INVS: variants seen among roughly 807,000 people sequenced by gnomAD.
INVS encodes the protein inversion of embryo turning homolog.
In INVS, 86 loss-of-function variants were observed where a neutral mutation model predicts 108.8. The ratio of observed to expected loss-of-function variants is 0.79; its 90% confidence interval spans 0.66 to 0.95. The LOEUF (loss-of-function observed/expected upper bound fraction) is 0.95. INVS is among the 40% of genes least tolerant of loss of function. INVS has a pLI of 0.00. For missense variants in INVS, 1,169 were observed against 1,297.4 expected (o/e 0.90, Z 1.52); for synonymous variants, 455 against 473.5 (o/e 0.96, Z 0.51).
chr9:100,281,911 C>T (rs535551802), intron 12 of INVS, among the ~76,000 whole-genome samples: 6 of 152,124 alleles, frequency 3.9e-5, no homozygotes, highest in Non-Finnish European at 5.9e-5. Context: ...AGAGAGGCTT[C>T]TTGGAATTGA....
chr9:100,129,839 C>G (rs1379631167), intron 3 of INVS: 4 of 458,288 alleles, frequency 8.7e-6, no homozygotes, highest in South Asian at 1.2e-4. Context: ...GCAGCCTTAC[C>G]AGGCTGAAGA....
intron 3 of INVS, among the ~76,000 whole-genome samples, chr9:100,144,093 G>T (rs1035122188): frequency 6.6e-6 from 1 of 152,066 alleles, no homozygotes; most frequent in Admixed American, 6.5e-5. Context: ...ATGGGACACG[G>T]CTTAGGAGGA....
At chr9:100,113,826 T>C (rs192815838) in intron 2 of INVS, among the ~76,000 whole-genome samples, 429 of 152,298 alleles carry the variant, frequency 2.8e-3, no homozygotes, top group South Asian at 6.4e-3. Flanking sequence ...CAAAACTTAT[T>C]CCTTATATCT....
intron 1 of INVS, among the ~76,000 whole-genome samples, chr9:100,102,391 C>G (rs1827024396): frequency 6.6e-6 from 1 of 152,122 alleles, no homozygotes. Flanking sequence ...CAAAATTGTC[C>G]TTATTGAAAT....
Position 100,298,021 on chromosome 9 carries a change from C to T in INVS, c.3091+11C>T, listed in dbSNP as rs753500124. ...TGCGTCTCAACTCAGGTAAGGCAGC[C>T]ACTGCAAAGCAGATGGTGGGGAAGA... is the stretch of plus-strand genomic sequence containing the variant. On this transcript the variant is annotated intron_variant, in intron 16 of 16. Coordinates refer to ENST00000262457, the MANE Select transcript of INVS (RefSeq NM_014425.5). 3 of 1,614,070 alleles carry T rather than the reference C, an allele frequency of 1.9e-6. No homozygotes were observed. The highest frequency in any genetic ancestry group is 4.5e-5 in the East Asian group (2 of 44,880).
At chr9:100,294,370 T>A (rs1381913720) in intron 14 of INVS, among the ~76,000 whole-genome samples, 2 of 152,140 alleles carry the variant, frequency 1.3e-5, no homozygotes, top group African/African-American at 2.4e-5. Context: ...GGGAGAGGCC[T>A]CCGTTCATAT....
intron 3 of INVS, among the ~76,000 whole-genome samples, chr9:100,133,764 TACACACACACAC>T (rs147744972): frequency 1.6e-3 from 197 of 123,860 alleles, no homozygotes; most frequent in Middle Eastern, 8.7e-3. Context: ...CTGCCAAAGC[TACACACACACAC>T]ACACACACAC....
chr9:100,125,011 G>A (rs1353191123), intron 2 of INVS, among the ~76,000 whole-genome samples: 1 of 152,172 alleles, frequency 6.6e-6, no homozygotes, highest in African/African-American at 2.4e-5. Flanking sequence ...GGCCCATTTA[G>A]AACCAAGGCA....
At chr9:100,246,407 G>T (rs1256852909) in intron 7 of INVS, among the ~76,000 whole-genome samples, 1 of 152,126 alleles carries the variant, frequency 6.6e-6, no homozygotes, top group Non-Finnish European at 1.5e-5. Flanking sequence ...AAGTGTTATG[G>T]ACACTACAAC....
At chr9:100,147,835 T>A (rs1828667637) in intron 3 of INVS, among the ~76,000 whole-genome samples, 1 of 151,966 alleles carries the variant, frequency 6.6e-6, no homozygotes, top group African/African-American at 2.4e-5. Flanking sequence ...GAATAAGAGA[T>A]GGGTTAAAAA....
intron 12 of INVS, among the ~76,000 whole-genome samples, chr9:100,279,565 C>G (rs1160279444): frequency 1.3e-5 from 2 of 152,164 alleles, no homozygotes; most frequent in African/African-American, 2.4e-5. Context: ...CAGAACAGAG[C>G]ACACCAATAT....
intron 3 of INVS, among the ~76,000 whole-genome samples, chr9:100,145,069 G>T (rs960845948): frequency 2.6e-5 from 4 of 152,118 alleles, no homozygotes; most frequent in African/African-American, 9.7e-5. Context: ...AAGCGGCATT[G>T]TAGAAGAAAA....
intron 7 of INVS, 43 bp from the exon 8 acceptor site, chr9:100,246,573 A>G (rs1832054756): frequency 7.1e-7 from 1 of 1,414,192 alleles, no homozygotes; most frequent in Non-Finnish European, 1.0e-6. Context: ...CACAGAAAAT[A>G]CTACTGTTTT....
At chr9:100,107,953 T>C (rs928127451) in intron 2 of INVS, among the ~76,000 whole-genome samples, 2 of 152,124 alleles carry the variant, frequency 1.3e-5, no homozygotes, top group African/African-American at 4.8e-5. Flanking sequence ...AAGTAGTCTA[T>C]AATCATCTTG....
intron 3 of INVS, among the ~76,000 whole-genome samples, chr9:100,204,162 C>G (rs1413087047): frequency 2.6e-5 from 4 of 152,032 alleles, no homozygotes; most frequent in Non-Finnish European, 5.9e-5. Context: ...ATGCCTTACA[C>G]AAAGAAGGTA....
chr9:100,180,372 A>G (rs1030966239), intron 3 of INVS, among the ~76,000 whole-genome samples: 1 of 152,078 alleles, frequency 6.6e-6, no homozygotes, highest in African/African-American at 2.4e-5. Context: ...AACAACAGGT[A>G]GACCACCACC....
At chr9:100,255,136 C>G (rs930992393) in intron 10 of INVS, among the ~76,000 whole-genome samples, 1 of 152,122 alleles carries the variant, frequency 6.6e-6, no homozygotes, top group East Asian at 1.9e-4. Flanking sequence ...CCTTCACATC[C>G]CTTGTAAGCT....
At chr9:100,179,029 AG>A (rs1829801862) in intron 3 of INVS, among the ~76,000 whole-genome samples, 2 of 152,234 alleles carry the variant, frequency 1.3e-5, no homozygotes, top group Non-Finnish European at 2.9e-5. Context: ...TTTCATATCC[AG>A]CCAAACTAAG....
At chr9:100,288,480 C>G (rs1012829731) in intron 13 of INVS, among the ~76,000 whole-genome samples, 1 of 152,134 alleles carries the variant, frequency 6.6e-6, no homozygotes, top group African/African-American at 2.4e-5. Flanking sequence ...ATTTTTCAAA[C>G]AAGCTTTGCT....
Sources: gnomAD v4.1 joint callset for allele counts (sites outside exome capture counted in the v4.1 genomes callset) on GRCh38, gnomAD v4.1.1 for gene constraint, MANE v1.5 for transcripts, NCBI Gene and HGNC (gene_info 2026-07-23, HGNC 2026-07-21) for gene names.